PCDHGA5: variants seen among roughly 807,000 people sequenced by gnomAD.
The protein encoded by PCDHGA5 is protocadherin gamma subfamily A, 5.
Under a neutral mutation model 56.7 loss-of-function variants are expected in PCDHGA5, and 36 were observed. That is an observed-to-expected ratio of 0.64 (90% CI 0.49 to 0.84). PCDHGA5 has a LOEUF of 0.84. PCDHGA5 is among the 40% of genes least tolerant of loss of function. The pLI is 0.00. For synonymous variants in PCDHGA5, 563 were observed against 520.2 expected (o/e 1.08, Z -1.12); for missense variants, 1,305 against 1,201.5 (o/e 1.09, Z -1.27).
At chr5:141,377,231 A>G (rs1773795281) in intron 1 of PCDHGA5, 2 of 152,072 alleles carry the variant, frequency 1.3e-5, no homozygotes, top group Admixed American at 1.3e-4. Flanking sequence ...GTTTTTTCCT[A>G]CTATGTGACA....
At chr5:141,479,023 GT>G (rs1436478867) in intron 1 of PCDHGA5, among the ~76,000 whole-genome samples, 1 of 152,056 alleles carries the variant, frequency 6.6e-6, no homozygotes, top group Non-Finnish European at 1.5e-5. Context: ...ATTTTCCTTT[GT>G]TTATACAGAT....
At chr5:141,421,469 G>A in intron 1 of PCDHGA5, 1 of 1,614,122 alleles carries the variant, frequency 6.2e-7, no homozygotes, top group Non-Finnish European at 8.5e-7. Flanking sequence ...GTGAATCCGC[G>A]AAGCGGCAGC....
At chr5:141,497,820 G>A (rs1595489288) in intron 2 of PCDHGA5, among the ~76,000 whole-genome samples, 1 of 152,226 alleles carries the variant, frequency 6.6e-6, no homozygotes, top group Admixed American at 6.5e-5. Flanking sequence ...AATTACAGGT[G>A]TGATCGCCCC....
chr5:141,430,615 A>G, intron 1 of PCDHGA5: 1 of 686,990 alleles, frequency 1.5e-6, no homozygotes, highest in Non-Finnish European at 2.2e-6. Context: ...CAAAGCAGAT[A>G]GCTAGGAATG....
chr5:141,388,572 G>A, intron 1 of PCDHGA5: 6 of 1,613,808 alleles, frequency 3.7e-6, no homozygotes, highest in South Asian at 2.2e-5. Flanking sequence ...ACAGATACAC[G>A]TTCTAGTGAC....
intron 1 of PCDHGA5, chr5:141,374,688 G>T (rs750510871): frequency 1.2e-6 from 2 of 1,609,528 alleles, no homozygotes; most frequent in South Asian, 2.2e-5. Context: ...ACACTGGACC[G>T]GGAAGGAGAA....
At chr5:141,451,926 T>G (rs994841982) in intron 1 of PCDHGA5, among the ~76,000 whole-genome samples, 5 of 151,122 alleles carry the variant, frequency 3.3e-5, no homozygotes, top group Non-Finnish European at 7.4e-5. Context: ...GGAAGGGAGG[T>G]AGGGAGGCAG....
intron 1 of PCDHGA5, among the ~76,000 whole-genome samples, chr5:141,460,070 T>C (rs547558436): frequency 2.0e-5 from 3 of 152,202 alleles, no homozygotes; most frequent in South Asian, 2.1e-4. Flanking sequence ...AGAGTGAGAC[T>C]TCATCTAAAA....
chr5:141,490,205 C>A lies in PCDHGA5; in HGVS notation c.2422-4602C>A. 1 of 1,614,168 alleles carries A rather than the reference C, an allele frequency of 6.2e-7. No individual in the cohort carries two copies. The highest frequency in any genetic ancestry group is 8.5e-7 in the Non-Finnish European group (1 of 1,180,004). ...CGTTTCTATGAAATTCATGCAAGAG[C>A]CCGTGACCAGGGACAGCCTGCCATG... On this transcript the variant is annotated intron_variant, in intron 1 of 3. Transcript: ENST00000518069. This position sits in a 1 kb window ranked among gnomAD's most constrained non-coding sequence, Gnocchi z 5.4.
At chr5:141,419,159 T>G in intron 1 of PCDHGA5, 1 of 1,613,916 alleles carries the variant, frequency 6.2e-7, no homozygotes, top group Non-Finnish European at 8.5e-7. Flanking sequence ...TCCGTTATCC[T>G]CCAGCAAAAC....
At position 141,491,692 on chromosome 5, in the gene PCDHGA5, C is replaced by T. The variant is rs749349869; in HGVS notation, c.2422-3115C>T. On this transcript the variant is annotated intron_variant, in intron 1 of 3. Coordinates refer to ENST00000518069, the MANE Select transcript of PCDHGA5 (RefSeq NM_018918.3). This position sits in a 1 kb window ranked among gnomAD's most constrained non-coding sequence, Gnocchi z 6.9. ...GTCCCGCTCTAATACGCTGCGGGAG[C>T]GGAGCCAGGTGAGGGGCTCGGCGCC... is the stretch of plus-strand genomic sequence containing the variant. 1 of 1,612,594 alleles carries T rather than the reference C, an allele frequency of 6.2e-7. No homozygotes were observed. The highest frequency in any genetic ancestry group is 8.5e-7 in the Non-Finnish European group (1 of 1,179,340).
intron 1 of PCDHGA5, among the ~76,000 whole-genome samples, chr5:141,381,220 G>C (rs912985270): frequency 6.6e-6 from 1 of 152,190 alleles, no homozygotes; most frequent in African/African-American, 2.4e-5. Context: ...TCTCCTCCTG[G>C]TTCCACCAAC....
At chr5:141,376,426 C>T in intron 1 of PCDHGA5, 1 of 1,614,230 alleles carries the variant, frequency 6.2e-7, no homozygotes, top group Non-Finnish European at 8.5e-7. Context: ...CGCTTATCAA[C>T]CAGGAGAGCT....
intron 1 of PCDHGA5, chr5:141,419,616 A>G (rs1291494618): frequency 6.2e-7 from 1 of 1,612,086 alleles, no homozygotes; most frequent in African/African-American, 1.3e-5. Flanking sequence ...CAGCCAGGCT[A>G]CCTGGTGACC....
chr5:141,459,117 T>A (rs1489347692), intron 1 of PCDHGA5, among the ~76,000 whole-genome samples: 1 of 152,224 alleles, frequency 6.6e-6, no homozygotes, highest in Non-Finnish European at 1.5e-5. Flanking sequence ...GACAATTGTT[T>A]ACATCTGTGT....
intron 1 of PCDHGA5, among the ~76,000 whole-genome samples, chr5:141,471,039 A>G (rs1175460270): frequency 7.2e-6 from 1 of 137,964 alleles, no homozygotes; most frequent in Non-Finnish European, 1.5e-5. Context: ...TAACAAGCCC[A>G]AGCCCTCTTT....
intron 1 of PCDHGA5, chr5:141,426,943 C>T: frequency 2.2e-6 from 1 of 456,736 alleles, no homozygotes; most frequent in Non-Finnish European, 4.4e-6. Flanking sequence ...GACCCAGTCC[C>T]AACTGGCACT....
At chr5:141,422,201 G>A in intron 1 of PCDHGA5, 1 of 1,562,386 alleles carries the variant, frequency 6.4e-7, no homozygotes, top group Non-Finnish European at 8.6e-7. Context: ...GGCCAAGATG[G>A]TGGAGGTCTC....
At chr5:141,505,592 A>G in intron 3 of PCDHGA5, 111 bp downstream of exon 3, 1 of 1,567,266 alleles carries the variant, frequency 6.4e-7, no homozygotes. Context: ...GTTTCTCCAG[A>G]TCTTTCGGCA....
Sources: gnomAD v4.1 joint callset for allele counts (sites outside exome capture counted in the v4.1 genomes callset) on GRCh38, gnomAD v4.1.1 for gene constraint, Gnocchi (gnomAD v3.1) non-coding constraint, MANE v1.5 for transcripts, NCBI Gene and HGNC (gene_info 2026-07-23, HGNC 2026-07-21) for gene names.